MAD1L1: variants seen among roughly 807,000 people sequenced by gnomAD.
MAD1L1 encodes mitotic spindle assembly checkpoint protein MAD1.
A neutral mutation model predicts 96.9 loss-of-function variants in MAD1L1; 95 were observed. That is an observed-to-expected ratio of 0.98 (90% CI 0.83 to 1.16). The LOEUF is 1.16. Among genes scored for constraint, MAD1L1 ranks in the 50% most tolerant of loss-of-function variants. MAD1L1 has a pLI of 0.00. For synonymous variants in MAD1L1, 473 were observed against 396.6 expected, an observed-to-expected ratio of 1.19 and a Z score of -2.29; for missense variants, 1,007 against 954.4, an observed-to-expected ratio of 1.06 and a Z score of -0.73.
chr7:2,190,709 C>T (rs1439612085), intron 10 of MAD1L1, among the ~76,000 whole-genome samples: 1 of 152,160 alleles, frequency 6.6e-6, no homozygotes, highest in Non-Finnish European at 1.5e-5. Context: ...AGATGTTCAA[C>T]ATCATTAGTC....
At chr7:2,083,588 C>T (rs534475081) in intron 11 of MAD1L1, among the ~76,000 whole-genome samples, 15 of 152,306 alleles carry the variant, frequency 9.8e-5, no homozygotes, top group Admixed American at 5.2e-4. Context: ...GGCGGGCTGT[C>T]GGGAGACTCC....
rs373944846 is a variant in MAD1L1 at position 2,109,312 on chromosome 7, C to T, written c.1073+39840G>A. ...AAGCAGCCCATGAGAGCACTGGAGG[C>T]GCACACACAATCAGGTGACGAGAAG... On this transcript the variant is annotated intron_variant, in intron 11 of 18. Transcript: ENST00000265854. Among the ~76,000 whole-genome samples the T allele has an allele frequency of 1.8e-4, 28 of 152,344 alleles. No homozygotes were observed. The East Asian group carries it at 4.8e-3, about 26-fold the overall frequency.
intron 10 of MAD1L1, among the ~76,000 whole-genome samples, chr7:2,158,606 C>T (rs1789955341): frequency 6.6e-6 from 1 of 152,186 alleles, no homozygotes; most frequent in African/African-American, 2.4e-5. Context: ...ACAGCAAAAC[C>T]TCAGTGCTAC....
intron 17 of MAD1L1, among the ~76,000 whole-genome samples, chr7:1,928,343 C>T (rs560901972): frequency 3.9e-5 from 6 of 151,920 alleles, no homozygotes; most frequent in East Asian, 1.9e-4. Context: ...GAGCCCACGA[C>T]GGAACTCCTG....
At chr7:2,039,807 C>T (rs1208673697) in intron 12 of MAD1L1, among the ~76,000 whole-genome samples, 3 of 152,056 alleles carry the variant, frequency 2.0e-5, no homozygotes, top group East Asian at 3.8e-4. Context: ...CTCTTTATCT[C>T]TACCTTGTCT....
intron 11 of MAD1L1, among the ~76,000 whole-genome samples, chr7:2,102,583 C>A (rs1786865381): frequency 6.6e-6 from 1 of 152,012 alleles, no homozygotes; most frequent in African/African-American, 2.4e-5. Context: ...CACCACATCC[C>A]CATCACCACT....
intron 16 of MAD1L1, among the ~76,000 whole-genome samples, chr7:1,944,063 C>A (rs1376259059): frequency 6.6e-6 from 1 of 152,004 alleles, no homozygotes; most frequent in African/African-American, 2.4e-5. Context: ...CCACAGGACT[C>A]CCTTCCCAGG....
chr7:1,988,834 C>T (rs1313514626), intron 14 of MAD1L1, among the ~76,000 whole-genome samples: 1 of 152,214 alleles, frequency 6.6e-6, no homozygotes, highest in Non-Finnish European at 1.5e-5. Flanking sequence ...TCTCTCTGGC[C>T]AAACCCTGTG....
intron 10 of MAD1L1, among the ~76,000 whole-genome samples, chr7:2,149,832 G>C (rs547003981): frequency 2.0e-5 from 3 of 152,212 alleles, no homozygotes; most frequent in African/African-American, 4.8e-5. Context: ...AGCTCGGCCC[G>C]AGCCACATCT....
At chr7:1,870,001 G>A (rs1032101555) in intron 18 of MAD1L1, among the ~76,000 whole-genome samples, 2 of 152,144 alleles carry the variant, frequency 1.3e-5, no homozygotes, top group Non-Finnish European at 2.9e-5. Context: ...TGCCCCTGCC[G>A]TGCCAACCCG....
intron 17 of MAD1L1, among the ~76,000 whole-genome samples, chr7:1,933,669 C>T (rs1789610922): frequency 1.3e-5 from 2 of 152,200 alleles, no homozygotes; most frequent in East Asian, 1.9e-4. Context: ...AGGCAGCGGC[C>T]GACCTGGGTA....
At chr7:2,032,847 G>A (rs986069640) in intron 12 of MAD1L1, among the ~76,000 whole-genome samples, 2 of 152,172 alleles carry the variant, frequency 1.3e-5, no homozygotes, top group African/African-American at 4.8e-5. Context: ...GAACAGGCGA[G>A]GACAGGCAGG....
At chr7:1,976,444 C>T (rs147770432) in intron 15 of MAD1L1, among the ~76,000 whole-genome samples, 153 of 152,074 alleles carry the variant, frequency 1.0e-3, no homozygotes, top group African/African-American at 3.2e-3. Context: ...TGGAGTTGTT[C>T]GTTCCTCCCA....
chr7:2,044,432 G>A (rs549551793), intron 12 of MAD1L1, among the ~76,000 whole-genome samples: 5 of 152,192 alleles, frequency 3.3e-5, no homozygotes, highest in African/African-American at 7.2e-5. Context: ...GAAGCTGCCC[G>A]GCGCACGTGG....
chr7:1,979,985 C>T (rs1346533185), intron 15 of MAD1L1, among the ~76,000 whole-genome samples: 1 of 152,208 alleles, frequency 6.6e-6, no homozygotes, highest in African/African-American at 2.4e-5. Context: ...AGTGTCCCTG[C>T]AGAGAGGAAC....
intron 11 of MAD1L1, among the ~76,000 whole-genome samples, chr7:2,080,854 T>C (rs1200038194): frequency 1.3e-5 from 2 of 152,122 alleles, no homozygotes; most frequent in Admixed American, 1.3e-4. Context: ...ATTTCTCGGT[T>C]AGGGACACAA....
At chr7:2,155,887 G>A (rs1408948624) in intron 10 of MAD1L1, among the ~76,000 whole-genome samples, 1 of 152,108 alleles carries the variant, frequency 6.6e-6, no homozygotes, top group African/African-American at 2.4e-5. Flanking sequence ...GTTTTCCACT[G>A]TGGCTGCACC....
At chr7:1,875,358 C>G (rs949734217) in intron 18 of MAD1L1, among the ~76,000 whole-genome samples, 19 of 152,202 alleles carry the variant, frequency 1.2e-4, no homozygotes, top group Non-Finnish European at 1.6e-4. Flanking sequence ...CATCCCCCAA[C>G]TGGCTGACAG....
chr7:1,989,409 T>C lies in MAD1L1; in HGVS notation c.1417-8868A>G, dbSNP rs1020400015. 4.6e-5 allele frequency among the ~76,000 whole-genome samples: 7 copies of C among 152,354 alleles called. No homozygotes were observed. The South Asian group carries it at 1.4e-3, about 32-fold the overall frequency. On this transcript the variant is annotated intron_variant, in intron 14 of 18. Transcript: ENST00000265854. ...GTCTCATTTACGGAACTCAACTGTA[T>C]GTTTGACTGAGATGAAGCAACCTGT...
Sources: gnomAD v4.1 joint callset for allele counts (sites outside exome capture counted in the v4.1 genomes callset) on GRCh38, gnomAD v4.1.1 for gene constraint, MANE v1.5 for transcripts, NCBI Gene and HGNC (gene_info 2026-07-23, HGNC 2026-07-21) for gene names.